Variants in MDGA2 observed in about 807,000 individuals in gnomAD.
MDGA2 encodes MAM domain containing glycosylphosphatidylinositol anchor 2.
In MDGA2, 40 loss-of-function variants were observed where a neutral mutation model predicts 117.8. The observed-to-expected ratio is 0.34, with a 90% CI of 0.26 to 0.44. The LOEUF is 0.44. MDGA2 is among the 20% of genes least tolerant of loss of function. MDGA2 has a pLI of 1.00. For missense variants in MDGA2, 1,123 were observed against 1,250.6 expected (o/e 0.90, Z 1.54); for synonymous variants, 452 against 439.0 (o/e 1.03, Z -0.37).
intron 1 of MDGA2, among the ~76,000 whole-genome samples, chr14:47,631,491 AT>A (rs1161892694): frequency 6.6e-6 from 1 of 152,136 alleles, no homozygotes; most frequent in Admixed American, 6.5e-5. Flanking sequence ...CTTTCAGCCC[AT>A]CCTATCCCAA....
chr14:47,160,307 C>T (rs1379281457), intron 3 of MDGA2, among the ~76,000 whole-genome samples: 1 of 152,148 alleles, frequency 6.6e-6, no homozygotes. Context: ...CAGTCCCTTG[C>T]TGCTATTCTA....
intron 3 of MDGA2, among the ~76,000 whole-genome samples, chr14:47,182,183 C>T (rs1053087370): frequency 6.6e-6 from 1 of 152,030 alleles, no homozygotes; most frequent in Non-Finnish European, 1.5e-5. Context: ...ATATAGAATA[C>T]TCTAAAGGGG....
At chr14:47,638,405 T>C (rs937103161) in intron 1 of MDGA2, among the ~76,000 whole-genome samples, 5 of 152,170 alleles carry the variant, frequency 3.3e-5, no homozygotes, top group African/African-American at 1.2e-4. Flanking sequence ...TCCTTACTTT[T>C]GGATGGAATT....
intron 10 of MDGA2, among the ~76,000 whole-genome samples, chr14:46,906,846 C>G (rs532770820): frequency 6.6e-6 from 1 of 151,868 alleles, no homozygotes; most frequent in African/African-American, 2.4e-5. Flanking sequence ...TTTGCCCACC[C>G]GGACAAAATG....
intron 4 of MDGA2, among the ~76,000 whole-genome samples, chr14:47,143,328 T>C (rs1352717704): frequency 6.6e-5 from 10 of 152,186 alleles, no homozygotes; most frequent in African/African-American, 2.4e-4. Context: ...CTTTTGAACA[T>C]TTGTCCAAAT....
At chr14:46,920,877 A>C (rs2138513691) in intron 9 of MDGA2, among the ~76,000 whole-genome samples, 1 of 152,354 alleles carries the variant, frequency 6.6e-6, no homozygotes, top group Admixed American at 6.5e-5. Context: ...GAACTTAATA[A>C]AACTTAAAAC....
intron 1 of MDGA2, among the ~76,000 whole-genome samples, chr14:47,609,220 G>T (rs565904477): frequency 6.7e-6 from 1 of 150,298 alleles, no homozygotes; most frequent in African/African-American, 2.4e-5. Context: ...CCTCCTACTC[G>T]TCTTCTCAAG....
chr14:47,517,516 G>GA (rs557293057), intron 1 of MDGA2, among the ~76,000 whole-genome samples: 2 of 151,496 alleles, frequency 1.3e-5, no homozygotes, highest in East Asian at 1.9e-4. Context: ...GATGAGATTT[G>GA]AAAAAAAATC....
intron 3 of MDGA2, among the ~76,000 whole-genome samples, chr14:47,171,838 C>T (rs925690169): frequency 6.6e-6 from 1 of 152,064 alleles, no homozygotes; most frequent in Non-Finnish European, 1.5e-5. Flanking sequence ...TGAAGCAGGG[C>T]GAGGCATTGC....
Position 47,357,151 on chromosome 14 carries a change from A to T in MDGA2, c.281-55601T>A, listed in dbSNP as rs17118395. On this transcript the variant is annotated intron_variant, in intron 1 of 16. Coordinates refer to ENST00000399232, the MANE Select transcript of MDGA2 (RefSeq NM_001113498.3). ...TGCAGTGGATTACTCTGTTGTACAT[A>T]ATGTAATATACCTAGGACAGTGCAC... 4.1e-3 allele frequency among the ~76,000 whole-genome samples: 630 copies of T among 152,278 alleles called. 7 individuals are homozygous for T. Among genetic ancestry groups the T allele is most frequent in the African/African-American group, 0.014 (595 of 41,554 alleles).
At chr14:46,996,797 AC>A in intron 8 of MDGA2, 1 of 177,514 alleles carries the variant, frequency 5.6e-6, no homozygotes. Flanking sequence ...TCTTTTCAGA[AC>A]AAAAAGAGCC....
chr14:47,629,017 C>T (rs1430779313), intron 1 of MDGA2, among the ~76,000 whole-genome samples: 1 of 152,188 alleles, frequency 6.6e-6, no homozygotes, highest in Non-Finnish European at 1.5e-5. Context: ...TCCCTGTACC[C>T]ACTCCTGCTT....
At chr14:47,161,469 T>C (rs1473951243) in intron 3 of MDGA2, among the ~76,000 whole-genome samples, 1 of 151,972 alleles carries the variant, frequency 6.6e-6, no homozygotes, top group Non-Finnish European at 1.5e-5. Flanking sequence ...TTAGAACTTA[T>C]GCCATACAAA....
At chr14:47,088,890 TATA>T (rs1194569420) in intron 6 of MDGA2, among the ~76,000 whole-genome samples, 1 of 152,182 alleles carries the variant, frequency 6.6e-6, no homozygotes, top group East Asian at 1.9e-4. Context: ...TCCTTCAAAA[TATA>T]ATGATATTTA....
chr14:47,550,271 T>C (rs1207819403), intron 1 of MDGA2, among the ~76,000 whole-genome samples: 1 of 152,226 alleles, frequency 6.6e-6, no homozygotes, highest in African/African-American at 2.4e-5. Flanking sequence ...ATTTCTAAAC[T>C]AGATATTTAA....
At chr14:46,857,994 CT>C (rs1274367628) in intron 14 of MDGA2, among the ~76,000 whole-genome samples, 1 of 151,822 alleles carries the variant, frequency 6.6e-6, no homozygotes, top group Non-Finnish European at 1.5e-5. Flanking sequence ...TGTCTCTTTC[CT>C]CTCTTTTGCA....
At chr14:47,058,117 T>A (rs139832083) in intron 7 of MDGA2, among the ~76,000 whole-genome samples, 20 of 152,142 alleles carry the variant, frequency 1.3e-4, no homozygotes, top group African/African-American at 4.3e-4. Context: ...AGCCTCTACT[T>A]AAAAAATATC....
chr14:47,388,310 G>T (rs746205526), intron 1 of MDGA2, among the ~76,000 whole-genome samples: 3 of 152,118 alleles, frequency 2.0e-5, no homozygotes, highest in African/African-American at 4.8e-5. Context: ...CATTATCCAG[G>T]TTGAGAATAG....
intron 10 of MDGA2, among the ~76,000 whole-genome samples, chr14:46,917,712 G>C (rs149567154): frequency 6.6e-6 from 1 of 152,074 alleles, no homozygotes; most frequent in Non-Finnish European, 1.5e-5. Flanking sequence ...GTGTCACTGC[G>C]TATCAGGGAG....
Sources: allele counts gnomAD v4.1 joint callset (sites outside exome capture counted in the v4.1 genomes callset), GRCh38; gene constraint gnomAD v4.1.1; transcripts MANE v1.5; gene names NCBI Gene and HGNC (gene_info 2026-07-23, HGNC 2026-07-21).